Variants in EPHA3 observed in about 807,000 individuals in gnomAD.
EPHA3 encodes EPH receptor A3, also known as ephrin type-A receptor 3.
A neutral mutation model predicts 107.1 loss-of-function variants in EPHA3; 42 were observed. The ratio of observed to expected loss-of-function variants is 0.39; its 90% CI spans 0.31 to 0.51. The LOEUF is 0.51. EPHA3 is among the 20% of genes least tolerant of loss of function. EPHA3 has a pLI of 0.78. For synonymous variants in EPHA3, 461 were observed against 424.8 expected (o/e 1.09, Z -1.05); for missense variants, 1,183 against 1,211.2 (o/e 0.98, Z 0.35).
intron 3 of EPHA3, among the ~76,000 whole-genome samples, chr3:89,324,543 T>A: frequency 6.6e-6 from 1 of 152,094 alleles, no homozygotes; most frequent in East Asian, 1.9e-4. Context: ...TATCCAGATT[T>A]ATTTTTTCTA....
intron 5 of EPHA3, among the ~76,000 whole-genome samples, chr3:89,344,737 T>C (rs961937883): frequency 7.9e-5 from 12 of 152,186 alleles, no homozygotes; most frequent in African/African-American, 2.7e-4. Context: ...AGGGGAAGCA[T>C]GAATGTGTCC....
chr3:89,401,796 A>G (rs567808605), intron 7 of EPHA3, among the ~76,000 whole-genome samples: 1 of 152,098 alleles, frequency 6.6e-6, no homozygotes, highest in Non-Finnish European at 1.5e-5. Flanking sequence ...TTTTTAGTAT[A>G]GATGGGGTTT....
At chr3:89,211,796 TCTTCTTCTTCTTCTTCTTCTTCTC>T (rs1559603047) in intron 3 of EPHA3, among the ~76,000 whole-genome samples, 2,363 of 105,182 alleles carry the variant, frequency 0.022, 62 homozygotes, top group African/African-American at 0.04. Flanking sequence ...TTCTTCTTCT[TCTTCTTCTTCTTCTTCTTCTTCTC>T]CTTCTCCTCC....
intron 5 of EPHA3, among the ~76,000 whole-genome samples, chr3:89,375,556 T>A (rs1394199003): frequency 6.6e-6 from 1 of 151,692 alleles, no homozygotes; most frequent in Non-Finnish European, 1.5e-5. Flanking sequence ...GGGATATTTA[T>A]ACATGAACTC....
At chr3:89,134,227 A>ATT (rs1559746538) in intron 2 of EPHA3, among the ~76,000 whole-genome samples, 2 of 146,128 alleles carry the variant, frequency 1.4e-5, no homozygotes, top group African/African-American at 5.2e-5. Flanking sequence ...TTTTTTTTAA[A>ATT]AAAATTATAC....
chr3:89,372,665 A>G (rs1708330703), intron 5 of EPHA3, among the ~76,000 whole-genome samples: 1 of 151,770 alleles, frequency 6.6e-6, no homozygotes, highest in Non-Finnish European at 1.5e-5. Context: ...AATCAAATGA[A>G]TCATCCTTTG....
intron 15 of EPHA3, among the ~76,000 whole-genome samples, chr3:89,461,318 T>A (rs1176457109): frequency 2.9e-3 from 230 of 79,858 alleles, no homozygotes; most frequent in Non-Finnish European, 3.6e-3. Context: ...GCAGCATGAT[T>A]TATACTCATT....
Position 89,340,903 on chromosome 3 carries a change from A to T in EPHA3, c.815-13A>T, listed in dbSNP as rs772793991. The T allele has an allele frequency of 6.3e-7, 1 of 1,589,532 alleles. No homozygotes were observed. Among genetic ancestry groups the T allele is most frequent in the Non-Finnish European group, 8.5e-7 (1 of 1,170,706 alleles). On this transcript the variant is annotated splice_polypyrimidine_tract_variant and intron_variant, in intron 3 of 16. Coordinates refer to ENST00000336596, the MANE Select transcript of EPHA3 (RefSeq NM_005233.6). ...TATCACAGACTTTTAAAAGAGAGTCATTTTGTTTGTAGCTTGTCGACCAGG... is the reference window on the plus strand; with the variant it reads ...TATCACAGACTTTTAAAAGAGAGTCTTTTTGTTTGTAGCTTGTCGACCAGG...
In EPHA3 at chr3:89,352,238, C is replaced by G. The variant is rs937638624; in HGVS notation, c.1306+10148C>G. Among the ~76,000 whole-genome samples, 12 of 151,430 alleles carry G rather than the reference C, an allele frequency of 7.9e-5. 1 individual carries two copies. The highest frequency in any genetic ancestry group is 3.4e-3 in the Middle Eastern group (1 of 290). On this transcript the variant is annotated intron_variant, in intron 5 of 16. Coordinates refer to ENST00000336596, the MANE Select transcript of EPHA3 (RefSeq NM_005233.6). The stretch of plus-strand genomic sequence containing the variant: ...TCAAAGACAACCTCCTTCTTTTCCC[C>G]TTAGATAAACGCCTTCCTTTCTTCT...
chr3:89,143,174 T>A (rs888896935), intron 2 of EPHA3, among the ~76,000 whole-genome samples: 1 of 151,440 alleles, frequency 6.6e-6, no homozygotes, highest in African/African-American at 2.4e-5. Flanking sequence ...AAAATTAAAT[T>A]GTTTTTAATG....
At chr3:89,472,670 T>TGCTGAA (rs752364173) in intron 16 of EPHA3, 51 bp downstream of exon 16, 44 of 1,565,778 alleles carry the variant, frequency 2.8e-5, no homozygotes, top group Admixed American at 3.6e-5. Context: ...TTGAACTTTC[T>TGCTGAA]TGGCTTGACA....
In EPHA3 at chr3:89,414,455, A is replaced by G. The variant is rs1709210350; in HGVS notation, c.1888+1189A>G. Among the ~76,000 whole-genome samples the G allele has an allele frequency of 2.6e-5, 4 of 151,736 alleles. No individual in the cohort carries two copies. In the South Asian group the frequency reaches 8.3e-4, roughly 31 times the overall value. ...ACATCTGTGCTGATCCAGTGCCAAA[A>G]CAGATATATATTGTTTACTCTGTTT... is the stretch of plus-strand genomic sequence containing the variant. On this transcript the variant is annotated intron_variant, in intron 10 of 16. Coordinates refer to ENST00000336596, the MANE Select transcript of EPHA3 (RefSeq NM_005233.6).
At chr3:89,313,504 G>A (rs1427755205) in intron 3 of EPHA3, among the ~76,000 whole-genome samples, 1 of 151,694 alleles carries the variant, frequency 6.6e-6, no homozygotes, top group Non-Finnish European at 1.5e-5. Context: ...TGACCTTCTT[G>A]CATTATCTGT....
chr3:89,367,671 G>A (rs1319410792), intron 5 of EPHA3, among the ~76,000 whole-genome samples: 1 of 150,530 alleles, frequency 6.6e-6, no homozygotes, highest in East Asian at 1.9e-4. Context: ...TTTACTCCTT[G>A]TTACAAAGAT....
intron 3 of EPHA3, among the ~76,000 whole-genome samples, chr3:89,276,012 C>G (rs1576283173): frequency 6.6e-6 from 1 of 151,940 alleles, no homozygotes. Context: ...GGGTGAATAG[C>G]AGTCAGTGAG....
rs1297280508 is a variant in EPHA3, at chr3:89,340,987, A to G, written c.886A>G (p.Thr296Ala). 2 of 1,614,116 alleles carry G rather than the reference A, an allele frequency of 1.2e-6. No individual in the cohort carries two copies. The highest frequency in any genetic ancestry group is 1.7e-6 in the Non-Finnish European group (2 of 1,180,016). The part of the protein sequence containing the change: ...KCAKCPPHSS[T>A]QEDGSMNCRC... Reference sequence around the variant, plus strand: ...TGCTAAGTGCCCGCCTCACAGTTCTACTCAGGAAGATGGTTCAATGAACTG... The same window carrying G: ...TGCTAAGTGCCCGCCTCACAGTTCTGCTCAGGAAGATGGTTCAATGAACTG... Residue 296 changes from threonine (T) to alanine (A), a missense_variant, in exon 4 of 17, where the codon ACT becomes GCT. Physicochemically the swap from Thr to Ala is moderately conservative, Grantham distance 58 (BLOSUM62 0). Coordinates refer to ENST00000336596, the MANE Select transcript of EPHA3 (RefSeq NM_005233.6).
At chr3:89,333,048 C>G (rs1262415784) in intron 3 of EPHA3, among the ~76,000 whole-genome samples, 2 of 152,092 alleles carry the variant, frequency 1.3e-5, no homozygotes, top group Non-Finnish European at 2.9e-5. Context: ...GTAACTTTAC[C>G]CATTCCCTGT....
intron 16 of EPHA3, among the ~76,000 whole-genome samples, chr3:89,474,212 A>G (rs558393324): frequency 6.6e-6 from 1 of 152,316 alleles, no homozygotes; most frequent in African/African-American, 2.4e-5. Flanking sequence ...ATAAAGCCAA[A>G]GAAGGACTTA....
At chr3:89,144,786 G>T (rs987682937) in intron 2 of EPHA3, among the ~76,000 whole-genome samples, 1 of 151,496 alleles carries the variant, frequency 6.6e-6, no homozygotes, top group Non-Finnish European at 1.5e-5. Flanking sequence ...TATGGCAATT[G>T]TTTATATTTT....
Sources: allele counts gnomAD v4.1 joint callset (sites outside exome capture counted in the v4.1 genomes callset), GRCh38; gene constraint gnomAD v4.1.1; transcripts MANE v1.5; gene names NCBI Gene and HGNC (gene_info 2026-07-23, HGNC 2026-07-21).